OPCML: variants seen among roughly 807,000 people sequenced by gnomAD.
The protein encoded by OPCML is opioid binding protein/cell adhesion molecule like, also known as opioid-binding protein/cell adhesion molecule.
In OPCML, 13 loss-of-function variants were observed where a neutral mutation model predicts 37.8. That is an observed-to-expected ratio of 0.34 (90% CI 0.22 to 0.55). OPCML has a LOEUF of 0.55. Ranked by LOEUF, OPCML falls within the 20% of genes least tolerant of loss-of-function variation. The pLI is 0.91. For missense variants in OPCML, 341 were observed against 435.6 expected, an observed-to-expected ratio of 0.78 and a Z score of 1.93; for synonymous variants, 176 against 168.8, an observed-to-expected ratio of 1.04 and a Z score of -0.33.
chr11:132,957,891 G>A (rs1350239792), intron 1 of OPCML, among the ~76,000 whole-genome samples: 1 of 152,042 alleles, frequency 6.6e-6, no homozygotes, highest in African/African-American at 2.4e-5. Flanking sequence ...TTCTCCTCAG[G>A]CCTCCCTGTT....
chr11:132,680,853 C>A (rs1358041597), intron 2 of OPCML, among the ~76,000 whole-genome samples: 1 of 152,178 alleles, frequency 6.6e-6, no homozygotes, highest in Non-Finnish European at 1.5e-5. Context: ...GTGAAGAATT[C>A]AGCAGCAGAA....
chr11:132,533,191 T>G (rs2096330899), intron 3 of OPCML, among the ~76,000 whole-genome samples: 1 of 152,228 alleles, frequency 6.6e-6, no homozygotes, highest in African/African-American at 2.4e-5. Flanking sequence ...GAGCCTTCCC[T>G]GCTGGTGCTG....
chr11:133,172,219 C>T (rs1027276063), intron 1 of OPCML, among the ~76,000 whole-genome samples: 10 of 152,038 alleles, frequency 6.6e-5, no homozygotes, highest in Admixed American at 1.3e-4. Context: ...TCTGGGGACA[C>T]GAGGTGATGA....
intron 4 of OPCML, among the ~76,000 whole-genome samples, chr11:132,476,862 TA>T (rs916148255): frequency 2.3e-4 from 35 of 152,048 alleles, no homozygotes; most frequent in African/African-American, 7.2e-4. Flanking sequence ...TAAAAAAAAT[TA>T]AAAAAAGTGT....
intron 2 of OPCML, among the ~76,000 whole-genome samples, chr11:132,710,544 T>TTAAAG (rs1944218354): frequency 6.6e-6 from 1 of 152,134 alleles, no homozygotes; most frequent in Non-Finnish European, 1.5e-5. Flanking sequence ...ATGGTGAGCT[T>TTAAAG]TCATATTGAC....
At chr11:132,485,583 A>T (rs964282654) in intron 4 of OPCML, among the ~76,000 whole-genome samples, 1 of 152,212 alleles carries the variant, frequency 6.6e-6, no homozygotes, top group African/African-American at 2.4e-5. Context: ...GCAGCCACTG[A>T]TCAATTTCTC....
chr11:133,200,129 T>A (rs1938708027), intron 1 of OPCML, among the ~76,000 whole-genome samples: 1 of 152,182 alleles, frequency 6.6e-6, no homozygotes, highest in Non-Finnish European at 1.5e-5. Context: ...CTGATGTCTC[T>A]GCTGAACTCT....
At chr11:133,008,400 G>A (rs1488350624) in intron 1 of OPCML, 2 of 985,284 alleles carry the variant, frequency 2.0e-6, no homozygotes, top group Admixed American at 1.2e-4. Context: ...ATCCGAGATT[G>A]TGCTCAGGAG....
chr11:132,739,100 T>C (rs190273417), intron 2 of OPCML, among the ~76,000 whole-genome samples: 1 of 152,332 alleles, frequency 6.6e-6, no homozygotes, highest in Non-Finnish European at 1.5e-5. Flanking sequence ...AGAATCTATA[T>C]AACAAATCTT....
chr11:132,500,604 GA>G (rs1322656659), intron 4 of OPCML, among the ~76,000 whole-genome samples: 1 of 152,098 alleles, frequency 6.6e-6, no homozygotes, highest in Non-Finnish European at 1.5e-5. Context: ...TACACGTGCA[GA>G]AGGTGCAGAT....
intron 1 of OPCML, among the ~76,000 whole-genome samples, chr11:133,352,089 A>G (rs949022311): frequency 6.6e-6 from 1 of 152,150 alleles, no homozygotes; most frequent in Non-Finnish European, 1.5e-5. Flanking sequence ...CCTGTAATCA[A>G]TTCTTCAACT....
intron 1 of OPCML, among the ~76,000 whole-genome samples, chr11:132,987,886 T>G (rs1946708621): frequency 6.6e-6 from 1 of 152,226 alleles, no homozygotes; most frequent in South Asian, 2.1e-4. Flanking sequence ...GGTTATCATT[T>G]CTTATGTGTG....
At chr11:132,659,040 T>G (rs1418493728) in intron 2 of OPCML, among the ~76,000 whole-genome samples, 1 of 152,194 alleles carries the variant, frequency 6.6e-6, no homozygotes, top group Non-Finnish European at 1.5e-5. Context: ...AGGGCCCAAC[T>G]GCATTCACCA....
chr11:132,673,700 C>T (rs923452502), intron 2 of OPCML, among the ~76,000 whole-genome samples: 3 of 152,110 alleles, frequency 2.0e-5, no homozygotes, highest in Non-Finnish European at 4.4e-5. Flanking sequence ...CAGGAAGAAA[C>T]ACGTATCTGT....
At chr11:132,833,266 T>C (rs532121867) in intron 2 of OPCML, among the ~76,000 whole-genome samples, 1 of 152,348 alleles carries the variant, frequency 6.6e-6, no homozygotes, top group Admixed American at 6.5e-5. Flanking sequence ...ATATTTTCTC[T>C]GTTTTCACTT....
chr11:133,083,929 A>G (rs747860994), intron 1 of OPCML, among the ~76,000 whole-genome samples: 1 of 152,224 alleles, frequency 6.6e-6, no homozygotes, highest in Admixed American at 6.5e-5. Flanking sequence ...AATTAATCAT[A>G]TACAGCCTTG....
At chr11:133,176,810 C>T (rs751703319) in intron 1 of OPCML, among the ~76,000 whole-genome samples, 9 of 152,302 alleles carry the variant, frequency 5.9e-5, no homozygotes, top group Middle Eastern at 3.4e-3. Context: ...AACTGCCTAA[C>T]GTAGCAAATC....
At chr11:132,619,783 C>T (rs547076022) in intron 3 of OPCML, among the ~76,000 whole-genome samples, 84 of 144,284 alleles carry the variant, frequency 5.8e-4, no homozygotes, top group Admixed American at 1.1e-3. Context: ...ACCCGGGAGG[C>T]GGAGCTTGCA....
intron 4 of OPCML, among the ~76,000 whole-genome samples, chr11:132,445,602 C>A (rs144436968): frequency 6.6e-6 from 1 of 152,266 alleles, no homozygotes; most frequent in East Asian, 1.9e-4. Flanking sequence ...ACCCAAGGAG[C>A]ACTTTAAAAA....
Sources: allele counts gnomAD v4.1 joint callset (sites outside exome capture counted in the v4.1 genomes callset), GRCh38; gene constraint gnomAD v4.1.1; transcripts MANE v1.5; gene names NCBI Gene and HGNC (gene_info 2026-07-23, HGNC 2026-07-21).